The following COL14A1 variants were observed in gnomAD, a reference collection of about 807,000 sequenced individuals.
The protein encoded by COL14A1 is collagen alpha-1(XIV) chain.
COL14A1 carries 136 observed loss-of-function variants against 230.3 expected under a neutral mutation model. The observed-to-expected ratio is 0.59, with a 90% CI of 0.51 to 0.68. The LOEUF (loss-of-function observed/expected upper bound fraction) is 0.68, where lower values mean the gene tolerates loss of function less well. COL14A1 is among the 30% of genes least tolerant of loss of function. COL14A1 has a pLI of 0.00. For synonymous variants in COL14A1, 792 were observed against 784.1 expected (o/e 1.01, Z -0.17); for missense variants, 1,976 against 2,215.8 (o/e 0.89, Z 2.17).
intron 23 of COL14A1, among the ~76,000 whole-genome samples, chr8:120,262,426 C>T (rs532865671): frequency 1.3e-5 from 2 of 151,816 alleles, no homozygotes; most frequent in Admixed American, 6.6e-5. Context: ...GAGCTGAGAT[C>T]GCACCATTGC....
intron 1 of COL14A1, among the ~76,000 whole-genome samples, chr8:120,136,273 T>A (rs917259260): frequency 6.6e-6 from 1 of 152,064 alleles, no homozygotes; most frequent in African/African-American, 2.4e-5. Context: ...ATTGAAGAAG[T>A]TCCTTTCTAT....
chr8:120,193,055 C>G (rs1246320628), intron 5 of COL14A1, among the ~76,000 whole-genome samples: 1 of 152,230 alleles, frequency 6.6e-6, no homozygotes, highest in East Asian at 1.9e-4. Context: ...TCGTCAAAGT[C>G]ATTCTCCGTC....
intron 45 of COL14A1, among the ~76,000 whole-genome samples, chr8:120,350,854 CA>C (rs1262683434): frequency 1.3e-5 from 2 of 151,772 alleles, no homozygotes; most frequent in African/African-American, 4.8e-5. Flanking sequence ...CAAGGATACC[CA>C]GGAATTGAAC....
At chr8:120,166,216 G>T (rs1244589361) in intron 4 of COL14A1, among the ~76,000 whole-genome samples, 1 of 152,190 alleles carries the variant, frequency 6.6e-6, no homozygotes, top group Non-Finnish European at 1.5e-5. Context: ...AGATGGGCAG[G>T]GAGCAGTTGT....
intron 19 of COL14A1, among the ~76,000 whole-genome samples, chr8:120,243,012 C>G (rs1050692831): frequency 6.6e-6 from 1 of 152,196 alleles, no homozygotes; most frequent in Non-Finnish European, 1.5e-5. Flanking sequence ...TGAGTCAGTT[C>G]TTACATCCTA....
chr8:120,142,192 T>C (rs892991539), intron 1 of COL14A1, among the ~76,000 whole-genome samples: 10 of 152,206 alleles, frequency 6.6e-5, no homozygotes, highest in African/African-American at 2.2e-4. Context: ...GAATATTTCA[T>C]TGGAGTTGAG....
At position 120,266,739 on chromosome 8, in the gene COL14A1, T is replaced by C. The variant is rs1819510704; in HGVS notation, c.3017-88T>C. 5.8e-6 allele frequency: 6 copies of C among 1,043,412 alleles called. No individual in the cohort carries two copies. In the East Asian group the frequency reaches 7.3e-5, roughly 13 times the overall value. 64.6% of individuals were successfully genotyped at this position (1,043,412 alleles called of 1,614,324 possible). A position where few individuals can be genotyped will look rare whatever the true frequency, so the allele number is the denominator to read the frequency against. On this transcript the variant is annotated intron_variant, in intron 24 of 47. Coordinates refer to ENST00000297848, the MANE Select transcript of COL14A1 (RefSeq NM_021110.4). ...GAAGACAGTTGTCAAAATCATTGAC[T>C]ACCCTGAATATTTATTACTCCATGA... is the stretch of plus-strand genomic sequence containing the variant.
At chr8:120,139,246 T>G (rs1814815573) in intron 1 of COL14A1, among the ~76,000 whole-genome samples, 1 of 152,238 alleles carries the variant, frequency 6.6e-6, no homozygotes, top group African/African-American at 2.4e-5. Context: ...TTCTTTCGTA[T>G]AAAATATGCT....
chr8:120,298,636 T>TACAC (rs1491571886), intron 35 of COL14A1, among the ~76,000 whole-genome samples: 1 of 124,520 alleles, frequency 8.0e-6, no homozygotes, highest in Admixed American at 8.0e-5. Flanking sequence ...TATATATATA[T>TACAC]ATACAAAAAT....
At chr8:120,189,922 G>A (rs890912258) in intron 5 of COL14A1, among the ~76,000 whole-genome samples, 9 of 151,574 alleles carry the variant, frequency 5.9e-5, no homozygotes, top group Non-Finnish European at 8.8e-5. Context: ...CTTTGCTATC[G>A]TGAATAGTGC....
intron 5 of COL14A1, among the ~76,000 whole-genome samples, chr8:120,182,532 A>G (rs1816495002): frequency 6.6e-6 from 1 of 152,162 alleles, no homozygotes. Flanking sequence ...ATGTAGTATT[A>G]TATACACAGA....
chr8:120,280,214 G>A, intron 29 of COL14A1, 115 bp downstream of exon 29: 1 of 1,199,428 alleles, frequency 8.3e-7, no homozygotes, highest in Non-Finnish European at 1.2e-6. Context: ...TTCCAGTACT[G>A]CTTGTTATAT....
chr8:120,267,862 T>C (rs1382439275), intron 25 of COL14A1, among the ~76,000 whole-genome samples: 3 of 151,754 alleles, frequency 2.0e-5, no homozygotes, highest in African/African-American at 7.3e-5. Context: ...AATGATAACT[T>C]TGGTGAAATA....
chr8:120,192,641 T>G lies in COL14A1; in HGVS notation c.437-4150T>G, dbSNP rs1413263956. 1.7e-4 allele frequency among the ~76,000 whole-genome samples: 26 copies of G among 152,340 alleles called. No homozygotes were observed. In the East Asian group the frequency reaches 1.9e-3, roughly 11 times the overall value. On this transcript the variant is annotated intron_variant, in intron 5 of 47. Coordinates refer to ENST00000297848, the MANE Select transcript of COL14A1 (RefSeq NM_021110.4). ...TCCTGGATAATATCTTGCAGAGTGT[T>G]TTCCAACTTGGTTCCATTCTCCCCG...
chr8:120,224,700 C>T (rs1307627666), intron 14 of COL14A1, among the ~76,000 whole-genome samples: 7 of 152,186 alleles, frequency 4.6e-5, no homozygotes, highest in Admixed American at 4.6e-4. Context: ...CATCATTGCT[C>T]ACCTGTACAA....
At chr8:120,310,575 A>C (rs1352296265) in intron 37 of COL14A1, among the ~76,000 whole-genome samples, 2 of 152,216 alleles carry the variant, frequency 1.3e-5, no homozygotes, top group African/African-American at 4.8e-5. Flanking sequence ...CCAAGAGACC[A>C]AGCCATGCCA....
At position 120,318,077 on chromosome 8, in the gene COL14A1, C is replaced by CA. The variant is rs113372253; in HGVS notation, c.4659+2082dup. Among the ~76,000 whole-genome samples the CA allele has an allele frequency of 1.1e-3, 173 of 152,278 alleles. 2 individuals are homozygous for CA. Among genetic ancestry groups the CA allele is most frequent in the African/African-American group, 3.9e-3 (162 of 41,562 alleles). ...GGCAATATCATTTCAATGTGCAACACAAGCAGATGCCATTCACACAGAATA... is the reference window on the plus strand; with the variant it reads ...GGCAATATCATTTCAATGTGCAACACAAAGCAGATGCCATTCACACAGAATA... On this transcript the variant is annotated intron_variant, in intron 40 of 47. Coordinates refer to ENST00000297848, the MANE Select transcript of COL14A1 (RefSeq NM_021110.4).
At chr8:120,328,395 T>TA (rs559894693) in intron 40 of COL14A1, among the ~76,000 whole-genome samples, 20 of 127,384 alleles carry the variant, frequency 1.6e-4, no homozygotes, top group African/African-American at 5.4e-4. Flanking sequence ...AATTTTTTTT[T>TA]AATTTTTTTT....
At chr8:120,363,427 G>A (rs1823298123) in intron 45 of COL14A1, among the ~76,000 whole-genome samples, 1 of 152,134 alleles carries the variant, frequency 6.6e-6, no homozygotes, top group Non-Finnish European at 1.5e-5. Flanking sequence ...GTTGGGAGGA[G>A]GGGCAAGGGG....
Sources: gnomAD v4.1 joint callset for allele counts (sites outside exome capture counted in the v4.1 genomes callset) on GRCh38, gnomAD v4.1.1 for gene constraint, MANE v1.5 for transcripts, NCBI Gene and HGNC (gene_info 2026-07-23, HGNC 2026-07-21) for gene names.